NAA11: variants seen among roughly 807,000 people sequenced by gnomAD.
NAA11 encodes the protein N-alpha-acetyltransferase 11.
Under a neutral mutation model 16.1 loss-of-function variants are expected in NAA11, and 15 were observed. The observed-to-expected ratio is 0.93, with a 90% CI of 0.62 to 1.44. The LOEUF is 1.44. Among genes scored for constraint, NAA11 ranks in the 40% most tolerant of loss-of-function variants. The pLI is 0.00. For synonymous variants in NAA11, 122 were observed against 112.4 expected (o/e 1.09, Z -0.54); for missense variants, 298 against 291.3 (o/e 1.02, Z -0.17).
In NAA11 at chr4:79,260,456, A is replaced by G. The variant is rs1285126917; in HGVS notation, c.*122+33549T>C. On this transcript the variant is annotated intron_variant and NMD_transcript_variant, in intron 2 of 2. Coordinates refer to the NAA11 transcript ENST00000511542. ...CCCCAACAAGAAGCATTTGATTGGC[A>G]TCTGACTAGGCCATTTTGGGGCTCT... 3.9e-5 allele frequency among the ~76,000 whole-genome samples: 6 copies of G among 152,210 alleles called. 1 individual carries two copies. The highest frequency in any genetic ancestry group is 3.9e-4 in the Admixed American group (6 of 15,284).
chr4:79,178,982 AAGAG>A, the NAA11 span, among the ~76,000 whole-genome samples: 2 of 152,120 alleles, frequency 1.3e-5, no homozygotes, highest in Non-Finnish European at 2.9e-5. Flanking sequence ...CCCAGAGAGC[AAGAG>A]AGAGAGAAGG....
At chr4:79,235,745 G>T (rs986911565) in intron 2 of NAA11, among the ~76,000 whole-genome samples, 1 of 152,062 alleles carries the variant, frequency 6.6e-6, no homozygotes, top group Non-Finnish European at 1.5e-5. Flanking sequence ...AGATATAAAT[G>T]TGTGGTAATT....
At chr4:79,155,810 A>G in the NAA11 span, among the ~76,000 whole-genome samples, 1 of 152,234 alleles carries the variant, frequency 6.6e-6, no homozygotes, top group African/African-American at 2.4e-5. Flanking sequence ...CATTTTACCC[A>G]TGGACAAAGT....
intron 2 of NAA11, among the ~76,000 whole-genome samples, chr4:79,278,517 T>C (rs192328777): frequency 6.6e-6 from 1 of 152,210 alleles, no homozygotes; most frequent in African/African-American, 2.4e-5. Flanking sequence ...CAATGACTTG[T>C]TCATATTTCT....
At chr4:79,303,451 T>C (rs1169441256) in intron 1 of NAA11, among the ~76,000 whole-genome samples, 1 of 152,082 alleles carries the variant, frequency 6.6e-6, no homozygotes, top group African/African-American at 2.4e-5. Flanking sequence ...TTACACCCGC[T>C]CTTCCTGACC....
the NAA11 span, among the ~76,000 whole-genome samples, chr4:79,203,437 C>A: frequency 6.6e-6 from 1 of 151,776 alleles, no homozygotes; most frequent in Non-Finnish European, 1.5e-5. Flanking sequence ...AGTACCCACA[C>A]TACATGTTTT....
the NAA11 span, among the ~76,000 whole-genome samples, chr4:79,174,132 T>A: frequency 6.6e-6 from 1 of 152,168 alleles, no homozygotes; most frequent in Non-Finnish European, 1.5e-5. Context: ...TTGTTTGGAA[T>A]AAATTTGTGG....
At chr4:79,246,581 A>T (rs1489892813) in intron 2 of NAA11, among the ~76,000 whole-genome samples, 1 of 152,214 alleles carries the variant, frequency 6.6e-6, no homozygotes, top group African/African-American at 2.4e-5. Flanking sequence ...TTAAAATTTT[A>T]AAACAGACTT....
chr4:79,156,443 T>C, the NAA11 span, among the ~76,000 whole-genome samples: 1 of 152,142 alleles, frequency 6.6e-6, no homozygotes, highest in Non-Finnish European at 1.5e-5. Flanking sequence ...AAGTCTAAAA[T>C]CTGCAGGATG....
the NAA11 span, among the ~76,000 whole-genome samples, chr4:79,157,416 T>G: frequency 6.6e-6 from 1 of 152,114 alleles, no homozygotes; most frequent in African/African-American, 2.4e-5. Context: ...TCCAGGTTGC[T>G]GCCAATGCAA....
At chr4:79,218,566 T>G in the NAA11 span, among the ~76,000 whole-genome samples, 1 of 152,084 alleles carries the variant, frequency 6.6e-6, no homozygotes, top group African/African-American at 2.4e-5. Flanking sequence ...TAACTATTAG[T>G]CCAAATACTT....
At chr4:79,220,196 G>A in the NAA11 span, among the ~76,000 whole-genome samples, 1 of 152,294 alleles carries the variant, frequency 6.6e-6, no homozygotes, top group Non-Finnish European at 1.5e-5. Context: ...GGGTTCAAGT[G>A]ATTCTCCTGC....
At chr4:79,236,510 T>C (rs1031272474) in intron 2 of NAA11, among the ~76,000 whole-genome samples, 5 of 152,150 alleles carry the variant, frequency 3.3e-5, no homozygotes, top group African/African-American at 1.2e-4. Flanking sequence ...TCTAAATTCA[T>C]TTTAAAACTG....
At chr4:79,201,885 C>T in the NAA11 span, among the ~76,000 whole-genome samples, 1 of 151,570 alleles carries the variant, frequency 6.6e-6, no homozygotes, top group East Asian at 1.9e-4. Flanking sequence ...CAACTTCATC[C>T]TGTCTTTTCT....
the NAA11 span, among the ~76,000 whole-genome samples, chr4:79,202,107 C>A: frequency 1.3e-5 from 2 of 151,730 alleles, no homozygotes; most frequent in African/African-American, 2.4e-5. Flanking sequence ...CCTCTGGTAA[C>A]CACCATTCTA....
chr4:79,325,892 GGGAACCGGTT>G lies in NAA11; in HGVS notation c.-25_-16del, dbSNP rs1560483022. ...CGGATGTTCATAATGGCAGAGGGTA[GGGAACCGGTT>G]GGACTGCAGTGAACCCAGAAGAGGC... On this transcript the variant is annotated 5_prime_UTR_variant, in exon 1 of 2. Coordinates refer to ENST00000286794, the MANE Select transcript of NAA11 (RefSeq NM_032693.3). 3.1e-6 allele frequency: 5 copies of G among 1,594,216 alleles called. No individual in the cohort carries two copies. The highest frequency in any genetic ancestry group is 4.3e-6 in the Non-Finnish European group (5 of 1,169,158).
the NAA11 span, among the ~76,000 whole-genome samples, chr4:79,182,491 C>T: frequency 6.6e-6 from 1 of 152,146 alleles, no homozygotes; most frequent in African/African-American, 2.4e-5. Context: ...ACTGAAAATA[C>T]TCTGCAATAT....
the NAA11 span, among the ~76,000 whole-genome samples, chr4:79,212,622 C>G: frequency 1.3e-5 from 2 of 151,992 alleles, no homozygotes. Context: ...TTTCAGTTAC[C>G]CATGCTCAAC....
chr4:79,309,150 C>T (rs1723682492), intron 1 of NAA11, among the ~76,000 whole-genome samples: 1 of 152,182 alleles, frequency 6.6e-6, no homozygotes. Context: ...TTCTTTCCCC[C>T]AGAGCCTTAA....
Sources: allele counts gnomAD v4.1 joint callset (sites outside exome capture counted in the v4.1 genomes callset), GRCh38; gene constraint gnomAD v4.1.1; transcripts MANE v1.5; gene names NCBI Gene and HGNC (gene_info 2026-07-23, HGNC 2026-07-21).